The following GLI2 variants were observed in gnomAD, a reference collection of about 807,000 sequenced individuals.
The protein encoded by GLI2 is GLI family zinc finger 2.
GLI2 carries 22 observed loss-of-function variants against 78.9 expected under a neutral mutation model. The ratio of observed to expected loss-of-function variants is 0.28; its 90% CI spans 0.20 to 0.40. The LOEUF is 0.40. GLI2 is among the 10% of genes least tolerant of loss of function. The pLI, the probability that GLI2 is intolerant of heterozygous loss-of-function variation, is 1.00. For missense variants in GLI2, 2,097 were observed against 2,213.2 expected, an observed-to-expected ratio of 0.95 and a Z score of 1.05; for synonymous variants, 974 against 963.7, an observed-to-expected ratio of 1.01 and a Z score of -0.20.
At chr2:120,829,099 T>TTCAC (rs1366801018) in intron 2 of GLI2, among the ~76,000 whole-genome samples, 1 of 52,046 alleles carries the variant, frequency 1.9e-5, no homozygotes, top group East Asian at 6.2e-4. Context: ...GCCACGCACC[T>TTCAC]GCACCCATGC....
At chr2:120,767,202 T>C (rs1010635981) in intron 1 of GLI2, among the ~76,000 whole-genome samples, 2 of 152,176 alleles carry the variant, frequency 1.3e-5, no homozygotes, top group Non-Finnish European at 2.9e-5. Flanking sequence ...AGCCACCTCC[T>C]TGCTGGGAGA....
rs529216641 is a variant in GLI2 at position 120,990,673 on chromosome 2, T to C, written c.4708T>C (p.Ter1570GlnextTer46). The change falls in exon 14 of 14, where the codon TAG becomes CAG. Residue 1570 changes from the stop codon to glutamine, a stop_lost. Transcript: ENST00000361492. ...EESKFLNMMT* is the reference protein window; with the variant it reads ...EESKFLNMMTQ ...GAGCAAGTTCCTGAACATGATGACC[T>C]AGAGGCCCGAGCGCCTGGTGCTGAG... 2 of 1,610,826 alleles carry C rather than the reference T, an allele frequency of 1.2e-6. No homozygotes were observed. The highest frequency in any genetic ancestry group is 1.1e-5 in the South Asian group (1 of 90,976).
chr2:120,843,566 C>T (rs191202065), intron 2 of GLI2, among the ~76,000 whole-genome samples: 10 of 152,218 alleles, frequency 6.6e-5, no homozygotes, highest in Admixed American at 3.9e-4. Context: ...GCAAATACCC[C>T]GCTTTGGTTA....
chr2:120,780,208 A>G (rs1365246153), intron 1 of GLI2, among the ~76,000 whole-genome samples: 1 of 152,178 alleles, frequency 6.6e-6, no homozygotes, highest in African/African-American at 2.4e-5. Flanking sequence ...ACACACACTC[A>G]TAACGCCCCC....
chr2:120,901,951 G>T (rs1165499877), intron 2 of GLI2, among the ~76,000 whole-genome samples: 1 of 152,128 alleles, frequency 6.6e-6, no homozygotes, highest in Non-Finnish European at 1.5e-5. Context: ...TTAATTTGCA[G>T]GAAATTCAGA....
intron 6 of GLI2, among the ~76,000 whole-genome samples, chr2:120,969,701 G>A (rs1682039237): frequency 6.6e-6 from 1 of 152,214 alleles, no homozygotes; most frequent in South Asian, 2.1e-4. Flanking sequence ...AGGCTTGACT[G>A]GGCCAGAATG....
Position 120,819,984 on chromosome 2 carries a change from C to G in GLI2, c.148+22516C>G, listed in dbSNP as rs182400173. ...AGGCAGAAAAGTGGGGCCCAGAGAA[C>G]AGAATACGAGCACAGGCAGCAGGAT... On this transcript the variant is annotated intron_variant, in intron 2 of 13. Coordinates refer to ENST00000361492, the MANE Select transcript of GLI2 (RefSeq NM_001374353.1). 3.3e-3 allele frequency among the ~76,000 whole-genome samples: 509 copies of G among 152,216 alleles called. 5 individuals are homozygous for G. Among genetic ancestry groups the G allele is most frequent in the African/African-American group, 0.012 (487 of 41,532 alleles).
At chr2:120,791,461 G>T (rs563047120) in intron 1 of GLI2, among the ~76,000 whole-genome samples, 1 of 152,172 alleles carries the variant, frequency 6.6e-6, no homozygotes, top group Non-Finnish European at 1.5e-5. Flanking sequence ...GCCGTGAGTC[G>T]GCTGCTTCCC....
At chr2:120,744,069 T>G (rs1682628849) in intron 1 of GLI2, among the ~76,000 whole-genome samples, 1 of 152,214 alleles carries the variant, frequency 6.6e-6, no homozygotes, top group Admixed American at 6.5e-5. Context: ...CGGAAGCCTG[T>G]GATGGTCTTT....
intron 2 of GLI2, among the ~76,000 whole-genome samples, chr2:120,891,163 G>A (rs1334477178): frequency 6.6e-6 from 1 of 152,160 alleles, no homozygotes; most frequent in East Asian, 1.9e-4. Context: ...ACACAGGAAG[G>A]TGCTATGGGA....
chr2:120,978,813 C>T (rs919254083), intron 10 of GLI2, among the ~76,000 whole-genome samples: 1 of 152,262 alleles, frequency 6.6e-6, no homozygotes, highest in Non-Finnish European at 1.5e-5. Context: ...GTGAGCATCT[C>T]GGTAAGCATG....
At chr2:120,914,052 A>G (rs539358358) in intron 2 of GLI2, among the ~76,000 whole-genome samples, 1 of 152,396 alleles carries the variant, frequency 6.6e-6, no homozygotes, top group Admixed American at 6.5e-5. Flanking sequence ...CAGAATGGCA[A>G]GTGACACCTT....
intron 3 of GLI2, among the ~76,000 whole-genome samples, chr2:120,948,593 A>G (rs1200739094): frequency 6.6e-6 from 1 of 151,924 alleles, no homozygotes; most frequent in Admixed American, 6.5e-5. Flanking sequence ...ACAACACCTC[A>G]CTCCGGGCCT....
intron 4 of GLI2, among the ~76,000 whole-genome samples, chr2:120,954,171 G>A (rs1388219954): frequency 1.3e-5 from 2 of 152,182 alleles, no homozygotes; most frequent in Admixed American, 1.3e-4. Flanking sequence ...TGCCCTGCTC[G>A]GTATCAGCCC....
intron 2 of GLI2, among the ~76,000 whole-genome samples, chr2:120,810,523 C>G (rs1458843587): frequency 1.3e-5 from 2 of 152,130 alleles, no homozygotes; most frequent in Non-Finnish European, 2.9e-5. Flanking sequence ...GAGGCCCAGC[C>G]AACAGCCTCT....
Position 120,989,067 on chromosome 2 carries a change from C to T in GLI2, c.3102C>T (p.Ala1034=), listed in dbSNP as rs1353888235. The T allele has an allele frequency of 1.2e-6, 2 of 1,610,830 alleles. No individual in the cohort carries two copies. Among genetic ancestry groups the T allele is most frequent in the Non-Finnish European group, 1.7e-6 (2 of 1,179,708 alleles). Residue 1034 remains alanine (A), a synonymous_variant, in exon 14 of 14, where the codon GCC becomes GCT. Transcript: ENST00000361492. The part of the protein sequence containing the change: ...AAGVDGAGPE[A]DLGLPEDDLV... ...GAGTGGACGGCGCGGGGCCCGAGGC[C>T]GACCTGGGGCTGCCGGAGGACGACC...
At chr2:120,789,789 G>A (rs984473602) in intron 1 of GLI2, among the ~76,000 whole-genome samples, 4 of 152,236 alleles carry the variant, frequency 2.6e-5, no homozygotes, top group African/African-American at 9.6e-5. Context: ...CAGCAGACAT[G>A]CACTGGCCCA....
intron 2 of GLI2, among the ~76,000 whole-genome samples, chr2:120,861,080 A>G (rs1455363324): frequency 6.6e-6 from 1 of 152,184 alleles, no homozygotes; most frequent in Non-Finnish European, 1.5e-5. Flanking sequence ...GCTGTCATTT[A>G]TTATGCAATG....
chr2:120,981,600 T>C (rs1682721102), intron 10 of GLI2, among the ~76,000 whole-genome samples: 1 of 152,220 alleles, frequency 6.6e-6, no homozygotes, highest in African/African-American at 2.4e-5. Flanking sequence ...AAAAGGCGTT[T>C]GGAGCCAAGC....
Sources: gnomAD v4.1 joint callset for allele counts (sites outside exome capture counted in the v4.1 genomes callset) on GRCh38, gnomAD v4.1.1 for gene constraint, MANE v1.5 for transcripts, NCBI Gene and HGNC (gene_info 2026-07-23, HGNC 2026-07-21) for gene names.